The following NRCAM variants were observed in gnomAD, a reference collection of about 807,000 sequenced individuals.
NRCAM encodes NgCAM-related cell adhesion molecule.
NRCAM carries 83 observed loss-of-function variants against 156.5 expected under a neutral mutation model. The ratio of observed to expected loss-of-function variants is 0.53; its 90% CI spans 0.44 to 0.64. NRCAM has a LOEUF of 0.64. NRCAM is among the 30% of genes least tolerant of loss of function. The pLI is 0.00. For synonymous variants in NRCAM, 538 were observed against 563.9 expected (o/e 0.95, Z 0.65); for missense variants, 1,417 against 1,597.3 (o/e 0.89, Z 1.92).
intron 2 of NRCAM, among the ~76,000 whole-genome samples, chr7:108,368,223 T>TCCC (rs567741253): frequency 1.4e-3 from 49 of 35,190 alleles, no homozygotes; most frequent in South Asian, 6.9e-3. Context: ...CACACTTTCA[T>TCCC]ACCCCCCCCC....
intron 19 of NRCAM, 60 bp downstream of exon 19, chr7:108,191,194 T>G: frequency 7.2e-7 from 1 of 1,390,964 alleles, no homozygotes; most frequent in Non-Finnish European, 1.0e-6. Context: ...TTATGAATAC[T>G]TTCTGCAAAT....
intron 2 of NRCAM, among the ~76,000 whole-genome samples, chr7:108,374,439 C>A (rs2099655799): frequency 6.6e-6 from 1 of 151,972 alleles, no homozygotes; most frequent in Non-Finnish European, 1.5e-5. Flanking sequence ...GTAGTAATAC[C>A]TGGAGCAAGA....
At chr7:108,288,277 C>T (rs1292773562) in intron 3 of NRCAM, among the ~76,000 whole-genome samples, 2 of 151,970 alleles carry the variant, frequency 1.3e-5, no homozygotes, top group Non-Finnish European at 2.9e-5. Flanking sequence ...GAAAAATTAC[C>T]TATTGGGTAC....
At chr7:108,261,937 GAC>G in intron 3 of NRCAM, among the ~76,000 whole-genome samples, 1 of 152,272 alleles carries the variant, frequency 6.6e-6, no homozygotes, top group South Asian at 2.1e-4. Flanking sequence ...TCCCCTGGCA[GAC>G]AGTTCTGAAA....
Position 108,150,137 on chromosome 7 carries a change from C to T in NRCAM, c.3688G>A (p.Asp1230Asn), listed in dbSNP as rs2040385801. 1 of 1,596,922 alleles carries T rather than the reference C, an allele frequency of 6.3e-7. No homozygotes were observed. Among genetic ancestry groups the T allele is most frequent in the Non-Finnish European group, 8.5e-7 (1 of 1,175,666 alleles). The part of the protein sequence containing the change: ...GTFGEYSDAE[D>N]HKPLKKGSRT... ...CTTCCTTTTTTCAAAGGCTTGTGGT[C>T]TTCTGCATCACTGGAAGAAAGAGAA... The change falls in exon 33 of 33, where the codon GAC (aspartate) becomes AAC (asparagine). Residue 1230 changes from aspartate (D) to asparagine (N), a missense_variant. Coordinates refer to ENST00000379028, the MANE Select transcript of NRCAM (RefSeq NM_001037132.4).
chr7:108,253,338 A>T (rs983999788), intron 3 of NRCAM, among the ~76,000 whole-genome samples: 2 of 152,166 alleles, frequency 1.3e-5, no homozygotes, highest in Non-Finnish European at 2.9e-5. Flanking sequence ...AGTAAGATGT[A>T]TCCAATTGTG....
rs555267447 is a variant in NRCAM, at chr7:108,327,713, C to A, written c.-173-14982G>T. 1.4e-4 allele frequency among the ~76,000 whole-genome samples: 21 copies of A among 152,184 alleles called. No homozygotes were observed. The South Asian group carries it at 4.1e-3, about 30-fold the overall frequency. On this transcript the variant is annotated intron_variant, in intron 2 of 32. Transcript: ENST00000379028. ...TTATGATATTTTTTAAAAAATGTGT[C>A]CTTCATCCAGCTTCTCTCATCCTCT...
Position 108,160,453 on chromosome 7 carries a change from C to T in NRCAM, c.3506G>A (p.Trp1169Ter), listed in dbSNP as rs1445749103. ...AACAGCACACATCAGACCAATGAACCAGCCCTGAGTTGCAATATCCACCTG... is the reference window on the plus strand; with the variant it reads ...AACAGCACACATCAGACCAATGAACTAGCCCTGAGTTGCAATATCCACCTG... The part of the protein sequence containing the change: ...SRQVDIATQG[W>*]FIGLMCAVAL... Residue 1169 changes from tryptophan to a stop codon, truncating the protein, a stop_gained, in exon 31 of 33, where the codon TGG becomes TAG. Transcript: ENST00000379028. LOFTEE classifies it high-confidence loss of function. 1 of 1,613,432 alleles carries T rather than the reference C, an allele frequency of 6.2e-7. No individual in the cohort carries two copies. The highest frequency in any genetic ancestry group is 1.3e-5 in the African/African-American group (1 of 74,856).
At chr7:108,444,697 T>C (rs1842482364) in intron 1 of NRCAM, among the ~76,000 whole-genome samples, 1 of 152,214 alleles carries the variant, frequency 6.6e-6, no homozygotes, top group Non-Finnish European at 1.5e-5. Context: ...AAATTGCCTC[T>C]TTTTATAAGG....
At chr7:108,286,283 G>C (rs923505526) in intron 3 of NRCAM, among the ~76,000 whole-genome samples, 1 of 152,164 alleles carries the variant, frequency 6.6e-6, no homozygotes, top group Non-Finnish European at 1.5e-5. Context: ...CCACTGTGTA[G>C]AGCAGTATTT....
chr7:108,208,228 C>T (rs893791338), intron 12 of NRCAM, among the ~76,000 whole-genome samples: 1 of 151,930 alleles, frequency 6.6e-6, no homozygotes, highest in Non-Finnish European at 1.5e-5. Flanking sequence ...ATTGCTTGAA[C>T]CCGGGAGGTG....
intron 3 of NRCAM, among the ~76,000 whole-genome samples, chr7:108,300,633 T>TA (rs1224523271): frequency 6.6e-6 from 1 of 152,110 alleles, no homozygotes; most frequent in Non-Finnish European, 1.5e-5. Context: ...TAGGTGGAAG[T>TA]GTAAGGTAAT....
intron 2 of NRCAM, among the ~76,000 whole-genome samples, chr7:108,344,370 C>A (rs909924380): frequency 6.6e-6 from 1 of 152,044 alleles, no homozygotes; most frequent in Admixed American, 6.6e-5. Flanking sequence ...CCTGAGAGCA[C>A]AGTGAGAGGG....
chr7:108,392,859 CAGCAGAGGCTGCAGA>C (rs1596257786), intron 2 of NRCAM, among the ~76,000 whole-genome samples: 2 of 152,274 alleles, frequency 1.3e-5, no homozygotes, highest in East Asian at 3.9e-4. Context: ...GCCTGGGTAT[CAGCAGAGGCTGCAGA>C]ACAGTGAATA....
At chr7:108,451,647 T>A (rs779666464) in intron 1 of NRCAM, among the ~76,000 whole-genome samples, 8 of 152,236 alleles carry the variant, frequency 5.3e-5, no homozygotes, top group Non-Finnish European at 1.2e-4. Flanking sequence ...TTCTGACACA[T>A]GGATCAACCT....
At chr7:108,295,580 A>T (rs925390239) in intron 3 of NRCAM, among the ~76,000 whole-genome samples, 1 of 152,220 alleles carries the variant, frequency 6.6e-6, no homozygotes, top group Non-Finnish European at 1.5e-5. Context: ...TCATGACTTA[A>T]TCAACTTTCA....
intron 3 of NRCAM, chr7:108,242,925 A>C (rs886255701): frequency 1.3e-5 from 2 of 152,220 alleles, no homozygotes; most frequent in Non-Finnish European, 2.9e-5. Flanking sequence ...TTCATATAAA[A>C]GAAAGTATCA....
At chr7:108,239,935 C>G in intron 4 of NRCAM, 24 bp downstream of exon 4, 1 of 1,502,864 alleles carries the variant, frequency 6.7e-7, no homozygotes, top group South Asian at 1.1e-5. Context: ...CTGGGCCTAA[C>G]AGCTTTAAAA....
chr7:108,377,231 A>C (rs2099679939), intron 2 of NRCAM, among the ~76,000 whole-genome samples: 1 of 152,200 alleles, frequency 6.6e-6, no homozygotes, highest in Non-Finnish European at 1.5e-5. Flanking sequence ...AGAAAATTTG[A>C]GCATTAGGAA....
Sources: allele counts gnomAD v4.1 joint callset (sites outside exome capture counted in the v4.1 genomes callset), GRCh38; gene constraint gnomAD v4.1.1; transcripts MANE v1.5; gene names NCBI Gene and HGNC (gene_info 2026-07-23, HGNC 2026-07-21).